UTS2: variants seen among roughly 807,000 people sequenced by gnomAD.
UTS2 encodes the protein urotensin-2.
A neutral mutation model predicts 12.6 loss-of-function variants in UTS2; 10 were observed. The ratio of observed to expected loss-of-function variants is 0.80; its 90% confidence interval spans 0.49 to 1.35. UTS2 has a LOEUF of 1.35. Among genes scored for constraint, UTS2 ranks in the 40% most tolerant of loss-of-function variants. UTS2 has a pLI of 0.00. For missense variants in UTS2, 142 were observed against 143.2 expected, an observed-to-expected ratio of 0.99 and a Z score of 0.04; for synonymous variants, 52 against 50.0, an observed-to-expected ratio of 1.04 and a Z score of -0.17.
chr1:7,852,111 C>A (rs1427148701), intron 1 of UTS2, among the ~76,000 whole-genome samples: 2 of 151,106 alleles, frequency 1.3e-5, no homozygotes, highest in Non-Finnish European at 1.5e-5. Flanking sequence ...CTTTTAGAGA[C>A]GAGAAACTAT....
chr1:7,900,400 AAAAAG>A, the UTS2 span, among the ~76,000 whole-genome samples: 4 of 149,290 alleles, frequency 2.7e-5, no homozygotes, highest in African/African-American at 1.0e-4. Context: ...TTGTCTCCAA[AAAAAG>A]AAAGAAGGAA....
At chr1:7,859,304 G>A in the UTS2 span, among the ~76,000 whole-genome samples, 1 of 151,878 alleles carries the variant, frequency 6.6e-6, no homozygotes, top group Admixed American at 6.6e-5. Flanking sequence ...TCTAGATTTC[G>A]TTTCTAGTCA....
chr1:7,907,915 A>G, the UTS2 span, among the ~76,000 whole-genome samples: 1 of 151,872 alleles, frequency 6.6e-6, no homozygotes, highest in African/African-American at 2.4e-5. Flanking sequence ...TAATCCCAGC[A>G]CTCTGGGAGG....
At chr1:7,897,087 C>T in the UTS2 span, among the ~76,000 whole-genome samples, 1 of 151,966 alleles carries the variant, frequency 6.6e-6, no homozygotes, top group African/African-American at 2.4e-5. Context: ...TCTACATTTT[C>T]TTTGTCTTGG....
chr1:7,885,908 T>TGGGGGGGGG, the UTS2 span, among the ~76,000 whole-genome samples: 1 of 13,986 alleles, frequency 7.2e-5, no homozygotes, highest in Non-Finnish European at 1.8e-4. Context: ...GGGGGTGGGG[T>TGGGGGGGGG]GGGGGGGGGC....
the UTS2 span, among the ~76,000 whole-genome samples, chr1:7,858,587 T>A: frequency 4.6e-5 from 7 of 152,200 alleles, no homozygotes; most frequent in African/African-American, 7.2e-5. Context: ...ATTAATTATT[T>A]TTTTTTTGAC....
chr1:7,869,816 C>T, the UTS2 span, among the ~76,000 whole-genome samples: 1 of 152,208 alleles, frequency 6.6e-6, no homozygotes, highest in Admixed American at 6.5e-5. Flanking sequence ...TGAGAGAGGT[C>T]CGAGGAAATG....
chr1:7,866,659 G>A, the UTS2 span, among the ~76,000 whole-genome samples: 1 of 152,056 alleles, frequency 6.6e-6, no homozygotes, highest in African/African-American at 2.4e-5. The surrounding 1 kb of genome is among the most constrained non-coding windows in gnomAD (Gnocchi z 4.5). Flanking sequence ...CCTAAAGGAG[G>A]GAAGGCGCTT....
chr1:7,879,247 C>G, the UTS2 span, among the ~76,000 whole-genome samples: 1 of 152,160 alleles, frequency 6.6e-6, no homozygotes, highest in Non-Finnish European at 1.5e-5. Flanking sequence ...CCAGGATAGA[C>G]CACATGTTAG....
the UTS2 span, among the ~76,000 whole-genome samples, chr1:7,894,777 G>A: frequency 6.6e-6 from 1 of 151,078 alleles, no homozygotes; most frequent in East Asian, 2.0e-4. Context: ...GTCAGGAGAT[G>A]GAAACCAGCC....
upstream of UTS2, among the ~76,000 whole-genome samples, chr1:7,857,033 C>T (rs986688248): frequency 1.3e-5 from 2 of 148,940 alleles, no homozygotes; most frequent in African/African-American, 5.0e-5. Flanking sequence ...TGCACTCCAG[C>T]CTGGGCCACA....
chr1:7,898,292 C>T, the UTS2 span, among the ~76,000 whole-genome samples: 1 of 152,062 alleles, frequency 6.6e-6, no homozygotes, highest in Admixed American at 6.6e-5. Flanking sequence ...GTACCGCAAG[C>T]TGTCCTGAGA....
At chr1:7,873,188 G>A in the UTS2 span, among the ~76,000 whole-genome samples, 1 of 152,178 alleles carries the variant, frequency 6.6e-6, no homozygotes, top group Admixed American at 6.5e-5. Flanking sequence ...CAGTGCACAT[G>A]GTCACTCAAG....
chr1:7,877,898 A>G, the UTS2 span, among the ~76,000 whole-genome samples: 1 of 152,116 alleles, frequency 6.6e-6, no homozygotes, highest in Non-Finnish European at 1.5e-5. Flanking sequence ...TTGGTTGAAA[A>G]TTTCTCAAGT....
At chr1:7,863,379 G>A in the UTS2 span, among the ~76,000 whole-genome samples, 1 of 152,150 alleles carries the variant, frequency 6.6e-6, no homozygotes, top group Non-Finnish European at 1.5e-5. Flanking sequence ...CCAAAGTGCT[G>A]GGATTACAGG....
the UTS2 span, among the ~76,000 whole-genome samples, chr1:7,872,362 G>T: frequency 7.0e-6 from 1 of 143,678 alleles, no homozygotes; most frequent in East Asian, 2.3e-4. Flanking sequence ...AAAAAGAAAT[G>T]ATTAAGCTTA....
chr1:7,855,962 C>A (rs1044726606), upstream of UTS2, among the ~76,000 whole-genome samples: 2 of 151,738 alleles, frequency 1.3e-5, no homozygotes, highest in Admixed American at 6.6e-5. Context: ...AGCCTTCCAA[C>A]CCTCTGGGAT....
chr1:7,855,804 C>T (rs1408643940), upstream of UTS2, among the ~76,000 whole-genome samples: 1 of 151,862 alleles, frequency 6.6e-6, no homozygotes, highest in Non-Finnish European at 1.5e-5. Context: ...CAGGCTCAAG[C>T]AATTCTACCT....
the UTS2 span, among the ~76,000 whole-genome samples, chr1:7,880,787 A>T: frequency 4.6e-3 from 703 of 152,276 alleles, 7 homozygotes; most frequent in African/African-American, 0.016. Flanking sequence ...ATTCTTCCAA[A>T]CTCATTTCAC....
Sources: gnomAD v4.1 joint callset for allele counts (sites outside exome capture counted in the v4.1 genomes callset) on GRCh38, gnomAD v4.1.1 for gene constraint, Gnocchi (gnomAD v3.1) non-coding constraint, MANE v1.5 for transcripts, NCBI Gene and HGNC (gene_info 2026-07-23, HGNC 2026-07-21) for gene names.